TRIT1: variants seen among roughly 807,000 people sequenced by gnomAD.
TRIT1 encodes the protein tRNA isopentenyltransferase 1, also known as tRNA dimethylallyltransferase.
TRIT1 carries 43 observed loss-of-function variants against 51.2 expected under a neutral mutation model. That is an observed-to-expected ratio of 0.84 (90% CI 0.66 to 1.08). The LOEUF (loss-of-function observed/expected upper bound fraction) is 1.08. Ranked by LOEUF, TRIT1 falls within the 50% of genes least tolerant of loss-of-function variation. The probability of loss-of-function intolerance (pLI) is 0.00; values close to 1 mark genes in which losing one functional copy is unlikely to be tolerated. For missense variants in TRIT1, 528 were observed against 578.4 expected (o/e 0.91, Z 0.89); for synonymous variants, 184 against 203.9 (o/e 0.90, Z 0.83).
At chr1:39,875,557 G>A (rs1275756456) in intron 1 of TRIT1, among the ~76,000 whole-genome samples, 1 of 151,642 alleles carries the variant, frequency 6.6e-6, no homozygotes, top group Non-Finnish European at 1.5e-5. Context: ...GACTTTTGAG[G>A]GCCTCAAAAA....
chr1:39,844,752 C>G (rs1403373888), intron 8 of TRIT1, 112 bp from the exon 9 acceptor site: 1 of 706,446 alleles, frequency 1.4e-6, no homozygotes, highest in African/African-American at 1.8e-5. Flanking sequence ...AGTAAACATT[C>G]TGACCATGCT....
At chr1:39,847,856 G>A (rs1295681434) in intron 6 of TRIT1, 130 bp downstream of exon 6, 3 of 1,364,176 alleles carry the variant, frequency 2.2e-6, no homozygotes, top group African/African-American at 1.5e-5. Flanking sequence ...GGGACTGTCT[G>A]AAAGATTAAA....
chr1:39,848,001 T>G lies in TRIT1; in HGVS notation c.800A>C (p.Asn267Thr), dbSNP rs965050390. Residue 267 changes from asparagine to threonine, a missense_variant, in exon 6 of 11, where the codon AAT becomes ACT. Transcript: ENST00000316891. Reference sequence around the variant, plus strand: ...AAATCCTCACCTATTTTCCGAAACATTCTTCTGATTATAGCGTCTGTGAAA... The same window carrying G: ...AAATCCTCACCTATTTTCCGAAACAGTCTTCTGATTATAGCGTCTGTGAAA... ...RDFHRRYNQKNVSENSQDYQH... is the reference protein window; with the variant it reads ...RDFHRRYNQKTVSENSQDYQH... The G allele has an allele frequency of 1.2e-6, 2 of 1,613,992 alleles. No homozygotes were observed. Among genetic ancestry groups the G allele is most frequent in the Admixed American group, 1.7e-5 (1 of 59,998 alleles).
intron 2 of TRIT1, 24 bp from the exon 3 acceptor site, chr1:39,854,092 G>A (rs770920313): frequency 1.6e-5 from 24 of 1,494,346 alleles, no homozygotes; most frequent in Non-Finnish European, 2.0e-5. Flanking sequence ...AAGATATCAC[G>A]ATATCAAGAG....
chr1:39,871,837 G>A (rs1471434712), intron 1 of TRIT1, among the ~76,000 whole-genome samples: 1 of 152,112 alleles, frequency 6.6e-6, no homozygotes, highest in Non-Finnish European at 1.5e-5. Context: ...CTGACTCTAT[G>A]CATCTGTCAA....
At chr1:39,849,808 G>A (rs1409810743) in intron 5 of TRIT1, among the ~76,000 whole-genome samples, 1 of 152,172 alleles carries the variant, frequency 6.6e-6, no homozygotes, top group Non-Finnish European at 1.5e-5. Context: ...TTCCACAAGA[G>A]ACTGCCTTCT....
At chr1:39,881,977 G>A (rs955383616) in intron 1 of TRIT1, among the ~76,000 whole-genome samples, 8 of 152,188 alleles carry the variant, frequency 5.3e-5, no homozygotes, top group African/African-American at 1.2e-4. Context: ...GTAGGGCCTC[G>A]CAGAAGATAG....
At chr1:39,868,754 G>C (rs1643693182) in intron 1 of TRIT1, among the ~76,000 whole-genome samples, 2 of 151,662 alleles carry the variant, frequency 1.3e-5, no homozygotes, top group South Asian at 2.1e-4. Flanking sequence ...TGGCAAATAA[G>C]GATATGAAAA....
chr1:39,868,461 G>A (rs1383457443), intron 1 of TRIT1, among the ~76,000 whole-genome samples: 3 of 151,680 alleles, frequency 2.0e-5, no homozygotes, highest in East Asian at 2.0e-4. Context: ...TGCCTAACAT[G>A]GTGAAACCTC....
chr1:39,871,733 T>C (rs1375365961), intron 1 of TRIT1, among the ~76,000 whole-genome samples: 4 of 152,036 alleles, frequency 2.6e-5, no homozygotes, highest in Admixed American at 6.5e-5. Context: ...TTGCCAGAGA[T>C]TGAAGGAGAT....
intron 1 of TRIT1, among the ~76,000 whole-genome samples, chr1:39,867,765 G>A (rs1202553908): frequency 6.6e-6 from 1 of 152,146 alleles, no homozygotes; most frequent in Non-Finnish European, 1.5e-5. Context: ...AGCAGAGACA[G>A]GACTAATGCC....
intron 2 of TRIT1, among the ~76,000 whole-genome samples, chr1:39,856,023 A>G (rs1275267087): frequency 6.6e-6 from 1 of 151,734 alleles, no homozygotes; most frequent in African/African-American, 2.4e-5. Context: ...AAAAAATAAA[A>G]TAGCCGGGCA....
At chr1:39,861,528 T>A (rs1202161463) in intron 1 of TRIT1, among the ~76,000 whole-genome samples, 1 of 152,156 alleles carries the variant, frequency 6.6e-6, no homozygotes, top group East Asian at 1.9e-4. Flanking sequence ...GCAGCATTAT[T>A]CACAATAGCC....
chr1:39,867,678 G>T (rs939782833), intron 1 of TRIT1, among the ~76,000 whole-genome samples: 9 of 152,186 alleles, frequency 5.9e-5, no homozygotes, highest in African/African-American at 2.2e-4. Flanking sequence ...CACTGGAGAA[G>T]CTCTGCATCC....
At chr1:39,866,276 G>A (rs1033563523) in intron 1 of TRIT1, among the ~76,000 whole-genome samples, 11 of 152,068 alleles carry the variant, frequency 7.2e-5, no homozygotes, top group Admixed American at 1.3e-4. Context: ...AGGTTCAAGC[G>A]ATTCTCCTAT....
chr1:39,875,742 T>C (rs1172257817), intron 1 of TRIT1, among the ~76,000 whole-genome samples: 3 of 151,802 alleles, frequency 2.0e-5, no homozygotes, highest in Non-Finnish European at 4.4e-5. Flanking sequence ...CTTGATAAAA[T>C]GTACACAGTG....
chr1:39,880,693 G>A (rs182037045), intron 1 of TRIT1, among the ~76,000 whole-genome samples: 169 of 152,124 alleles, frequency 1.1e-3, no homozygotes, highest in African/African-American at 3.8e-3. Context: ...CAGCTACTCG[G>A]GAGGCTGAGG....
rs1016104698 is a variant in TRIT1, at chr1:39,844,127, A to G, written c.1208T>C (p.Ile403Thr). ...TGCCCATTCGCGATCCCCAATGATG[A>G]TTCGATCACAGAGGTCACACAGGTG... ...SYHLCDLCDR[I>T]IIGDREWAAH... Residue 403 changes from isoleucine to threonine, a missense_variant, in exon 10 of 11, where the codon ATC becomes ACC. Ile to Thr is a moderately conservative substitution (Grantham distance 89). Transcript: ENST00000316891. 1 of 1,613,982 alleles carries G rather than the reference A, an allele frequency of 6.2e-7. No individual in the cohort carries two copies. The highest frequency in any genetic ancestry group is 1.3e-5 in the African/African-American group (1 of 74,940).
chr1:39,842,026 A>G, intron 10 of TRIT1, 113 bp from the exon 11 acceptor site: 1 of 1,200,030 alleles, frequency 8.3e-7, no homozygotes, highest in Non-Finnish European at 1.1e-6. Flanking sequence ...AACAATAAAC[A>G]GCAAGATCAA....
Sources: gnomAD v4.1 joint callset for allele counts (sites outside exome capture counted in the v4.1 genomes callset) on GRCh38, gnomAD v4.1.1 for gene constraint, MANE v1.5 for transcripts, NCBI Gene and HGNC (gene_info 2026-07-23, HGNC 2026-07-21) for gene names.